DGKB: variants seen among roughly 807,000 people sequenced by gnomAD.
The protein encoded by DGKB is diacylglycerol kinase beta.
DGKB carries 67 observed loss-of-function variants against 114.3 expected under a neutral mutation model. The ratio of observed to expected loss-of-function variants is 0.59; its 90% confidence interval spans 0.48 to 0.72. The LOEUF is 0.72. Ranked by LOEUF, DGKB falls within the 30% of genes least tolerant of loss-of-function variation. DGKB has a pLI of 0.00. For missense variants in DGKB, 907 were observed against 975.2 expected, an observed-to-expected ratio of 0.93 and a Z score of 0.93; for synonymous variants, 398 against 323.1, an observed-to-expected ratio of 1.23 and a Z score of -2.49.
chr7:14,908,479 C>G (rs1321086804), intron 1 of DGKB, among the ~76,000 whole-genome samples: 1 of 152,130 alleles, frequency 6.6e-6, no homozygotes. Flanking sequence ...CAGAAAACCT[C>G]CATCTAATAG....
At chr7:14,242,399 T>C (rs541440335) in intron 23 of DGKB, among the ~76,000 whole-genome samples, 1 of 152,314 alleles carries the variant, frequency 6.6e-6, no homozygotes, top group Admixed American at 6.5e-5. Context: ...CTGCCTCTAC[T>C]TTGGCTTAGC....
At chr7:14,409,359 G>A (rs1232243379) in intron 21 of DGKB, among the ~76,000 whole-genome samples, 2 of 152,076 alleles carry the variant, frequency 1.3e-5, no homozygotes, top group Non-Finnish European at 2.9e-5. Context: ...CACATGAAAT[G>A]CTACTAAGGA....
intron 9 of DGKB, among the ~76,000 whole-genome samples, chr7:14,691,934 G>A (rs890121617): frequency 3.3e-5 from 5 of 151,700 alleles, no homozygotes; most frequent in African/African-American, 1.2e-4. Context: ...TAAAAAATAA[G>A]TTTACAAATA....
intron 25 of DGKB, among the ~76,000 whole-genome samples, chr7:14,150,618 C>CA (rs1662182140): frequency 6.6e-6 from 1 of 152,046 alleles, no homozygotes; most frequent in African/African-American, 2.4e-5. Context: ...AAGGCTAACC[C>CA]AGCCTCAAAC....
At chr7:14,675,112 C>T (rs549973645) in intron 12 of DGKB, among the ~76,000 whole-genome samples, 32 of 152,088 alleles carry the variant, frequency 2.1e-4, no homozygotes, top group Admixed American at 1.6e-3. Flanking sequence ...CGCTAAGAAC[C>T]CTCTACAAAA....
At chr7:14,684,473 C>G (rs1020559304) in intron 10 of DGKB, among the ~76,000 whole-genome samples, 2 of 151,996 alleles carry the variant, frequency 1.3e-5, no homozygotes, top group African/African-American at 4.8e-5. Flanking sequence ...AATATCTACC[C>G]TTTTTTATCA....
At chr7:14,548,237 G>C (rs79817260) in intron 20 of DGKB, among the ~76,000 whole-genome samples, 1,889 of 152,220 alleles carry the variant, frequency 0.012, 20 homozygotes, top group Non-Finnish European at 0.017. Context: ...GTGCAGATTA[G>C]GCACACTTGA....
intron 21 of DGKB, among the ~76,000 whole-genome samples, chr7:14,378,611 A>T (rs778238174): frequency 2.0e-5 from 3 of 152,176 alleles, no homozygotes; most frequent in Non-Finnish European, 4.4e-5. Flanking sequence ...ATAGAAAATG[A>T]TCCAACACCT....
chr7:14,602,069 C>T (rs1803649347), intron 17 of DGKB, among the ~76,000 whole-genome samples: 1 of 152,080 alleles, frequency 6.6e-6, no homozygotes, highest in Non-Finnish European at 1.5e-5. Flanking sequence ...ACATTAGCAC[C>T]TCACTCCTTA....
At chr7:14,634,677 T>C (rs1263900804) in intron 13 of DGKB, among the ~76,000 whole-genome samples, 1 of 151,398 alleles carries the variant, frequency 6.6e-6, no homozygotes, top group Non-Finnish European at 1.5e-5. Context: ...TAAAGAAAAA[T>C]TGTCTTCATA....
intron 15 of DGKB, among the ~76,000 whole-genome samples, chr7:14,619,537 G>A (rs781529272): frequency 6.6e-5 from 10 of 151,608 alleles, no homozygotes; most frequent in Non-Finnish European, 1.3e-4. Flanking sequence ...TTAAAATTCT[G>A]TTGCATACAT....
chr7:14,974,563 C>T (rs1587488545), intron 1 of DGKB: 1 of 151,912 alleles, frequency 6.6e-6, no homozygotes, highest in African/African-American at 2.4e-5. Context: ...ACTTTAAGTG[C>T]AAAATATAAG....
At chr7:14,530,882 T>G (rs930996931) in intron 20 of DGKB, among the ~76,000 whole-genome samples, 6 of 151,638 alleles carry the variant, frequency 4.0e-5, no homozygotes, top group African/African-American at 1.4e-4. Context: ...GTTCATTTTA[T>G]CTAGGCTATT....
At chr7:14,821,640 C>T (rs577479328) in intron 2 of DGKB, among the ~76,000 whole-genome samples, 1 of 152,206 alleles carries the variant, frequency 6.6e-6, no homozygotes, top group Admixed American at 6.5e-5. Context: ...GAAAGGTGGG[C>T]CAGAGAACAT....
chr7:14,759,425 T>G (rs1586279271), intron 2 of DGKB, among the ~76,000 whole-genome samples: 2 of 152,284 alleles, frequency 1.3e-5, no homozygotes, highest in South Asian at 4.1e-4. Context: ...TTTTCTCCCC[T>G]CTAACCTCTG....
intron 20 of DGKB, among the ~76,000 whole-genome samples, chr7:14,485,888 T>C (rs1212555044): frequency 6.9e-5 from 9 of 131,154 alleles, no homozygotes; most frequent in African/African-American, 2.6e-4. Flanking sequence ...TAAAACTCCA[T>C]CTCAAAAAAA....
chr7:14,697,886 G>C (rs535882986), intron 8 of DGKB, among the ~76,000 whole-genome samples: 1 of 140,324 alleles, frequency 7.1e-6, no homozygotes, highest in Admixed American at 7.1e-5. Context: ...GGAGGGAGGG[G>C]AGAAAGAAAG....
chr7:14,410,393 T>C (rs1453874986), intron 21 of DGKB, among the ~76,000 whole-genome samples: 1 of 152,068 alleles, frequency 6.6e-6, no homozygotes, highest in Admixed American at 6.6e-5. Context: ...TCATTCTATT[T>C]CTAAACCTTT....
At chr7:14,282,455 C>T (rs1440100525) in intron 23 of DGKB, among the ~76,000 whole-genome samples, 2 of 150,376 alleles carry the variant, frequency 1.3e-5, no homozygotes, top group African/African-American at 4.9e-5. Context: ...TGGTACCATT[C>T]CTTCTGAAAC....
Sources: gnomAD v4.1 joint callset for allele counts (sites outside exome capture counted in the v4.1 genomes callset) on GRCh38, gnomAD v4.1.1 for gene constraint, MANE v1.5 for transcripts, NCBI Gene and HGNC (gene_info 2026-07-23, HGNC 2026-07-21) for gene names.